ADCK1: variants seen among roughly 807,000 people sequenced by gnomAD.
The protein encoded by ADCK1 is aarF domain-containing protein kinase 1.
In ADCK1, 41 loss-of-function variants were observed where a neutral mutation model predicts 52.3. That is an observed-to-expected ratio of 0.78 (90% CI 0.61 to 1.02). The LOEUF (loss-of-function observed/expected upper bound fraction) is 1.02. Ranked by LOEUF, ADCK1 falls within the 50% of genes least tolerant of loss-of-function variation. The pLI is 0.00. For synonymous variants in ADCK1, 250 were observed against 274.6 expected, an observed-to-expected ratio of 0.91 and a Z score of 0.89; for missense variants, 658 against 679.5, an observed-to-expected ratio of 0.97 and a Z score of 0.35.
intron 6 of ADCK1, among the ~76,000 whole-genome samples, chr14:77,900,397 G>A (rs991229353): frequency 3.3e-5 from 5 of 152,064 alleles, no homozygotes; most frequent in African/African-American, 1.2e-4. Flanking sequence ...GACCAGCCTG[G>A]CCAACATGGT....
intron 5 of ADCK1, among the ~76,000 whole-genome samples, chr14:77,897,181 G>A (rs1385248440): frequency 6.6e-6 from 1 of 152,214 alleles, no homozygotes; most frequent in East Asian, 1.9e-4. Flanking sequence ...GTTAGAGATG[G>A]TTGTTCTCAG....
chr14:77,889,625 C>T (rs552841377), intron 5 of ADCK1, among the ~76,000 whole-genome samples: 5 of 152,172 alleles, frequency 3.3e-5, no homozygotes, highest in Non-Finnish European at 7.3e-5. Context: ...CAAAACCTAG[C>T]TGGCAGCAAG....
chr14:77,810,721 C>T (rs898492421), intron 1 of ADCK1, among the ~76,000 whole-genome samples: 2 of 151,818 alleles, frequency 1.3e-5, no homozygotes, highest in Admixed American at 1.3e-4. Flanking sequence ...TTAGTAGAGA[C>T]GGGGTTTCAC....
rs561273446 is a variant in ADCK1, at chr14:77,904,910, G to T, written c.742-2893G>T. On this transcript the variant is annotated intron_variant, in intron 6 of 10. Transcript: ENST00000238561. ...CTTTTTCATTTTTTCCTTCTTTGAT[G>T]GAAGAAGCATAGGACAGGAAATGTG... Among the ~76,000 whole-genome samples, 13 of 152,248 alleles carry T rather than the reference G, an allele frequency of 8.5e-5. No homozygotes were observed. The South Asian group carries it at 2.1e-3, about 24-fold the overall frequency.
rs1187156753 is a variant in ADCK1, at chr14:77,925,924, A to G, written c.1169A>G (p.Asn390Ser). The G allele has an allele frequency of 1.9e-6, 3 of 1,614,086 alleles. No homozygotes were observed. The African/African-American group carries it at 4.0e-5, about 22-fold the overall frequency. Residue 390 changes from asparagine (N) to serine (S), a missense_variant, in exon 9 of 11, where the codon AAC becomes AGC. Transcript: ENST00000238561. ...MLTARSWDSV[N>S]RGISQAPVTA... Reference sequence around the variant, plus strand: ...ACGGCGCGATCGTGGGACTCGGTCAACAGAGGCATCAGCCAAGCTCCCGTC... The same window carrying G: ...ACGGCGCGATCGTGGGACTCGGTCAGCAGAGGCATCAGCCAAGCTCCCGTC...
At chr14:77,871,186 T>C (rs746013691) in intron 4 of ADCK1, among the ~76,000 whole-genome samples, 1 of 152,098 alleles carries the variant, frequency 6.6e-6, no homozygotes, top group African/African-American at 2.4e-5. Flanking sequence ...AGTGGGGATG[T>C]GGTTCAGGAA....
rs140186522 is a variant in ADCK1, at chr14:77,909,378, G to C, written c.858+1459G>C. Among the ~76,000 whole-genome samples, 545 of 152,124 alleles carry C rather than the reference G, an allele frequency of 3.6e-3. 6 individuals are homozygous for C. The highest frequency in any genetic ancestry group is 0.012 in the African/African-American group (491 of 41,492). ...TTGAACTCCTGACCTCGGGTGATCC[G>C]CCTGCCTCGATCTCCCAAAGTGCTG... On this transcript the variant is annotated intron_variant, in intron 7 of 10. Coordinates refer to ENST00000238561, the MANE Select transcript of ADCK1 (RefSeq NM_020421.4).
chr14:77,844,281 C>T lies in ADCK1; in HGVS notation c.220-14795C>T, dbSNP rs2082131844. Among the ~76,000 whole-genome samples the T allele has an allele frequency of 2.0e-5, 3 of 152,212 alleles. No homozygotes were observed. The South Asian group carries it at 6.2e-4, about 32-fold the overall frequency. ...GTATATTACTAGAGACAGGGTTTCA[C>T]CATGTTGGCCAGGATGATCTTGATC... On this transcript the variant is annotated intron_variant, in intron 3 of 10. Transcript: ENST00000238561.
rs1417040050 is a variant in ADCK1, at chr14:77,815,894, C to T, written c.-11-3074C>T. Among the ~76,000 whole-genome samples, 6 of 149,160 alleles carry T rather than the reference C, an allele frequency of 4.0e-5. No homozygotes were observed. The South Asian group carries it at 6.4e-4, about 16-fold the overall frequency. On this transcript the variant is annotated intron_variant, in intron 1 of 10. Transcript: ENST00000238561. ...GCAGTGGTGCGATCTCAGCTCACTG[C>T]GACCTCCACCTCCTGGGTTCAAGTG...
intron 4 of ADCK1, among the ~76,000 whole-genome samples, chr14:77,864,587 C>T (rs2082622536): frequency 6.6e-6 from 1 of 151,896 alleles, no homozygotes; most frequent in Non-Finnish European, 1.5e-5. Context: ...GGATTTCATT[C>T]CTGTGTAACT....
chr14:77,817,767 GCT>G (rs2081489227), intron 1 of ADCK1, among the ~76,000 whole-genome samples: 1 of 149,944 alleles, frequency 6.7e-6, no homozygotes, highest in Admixed American at 6.7e-5. Flanking sequence ...ACGGAGTCTC[GCT>G]CTGTCACCCA....
chr14:77,908,021 C>CTATTAAAGACAAGGGGGCCAGA, intron 7 of ADCK1, 102 bp downstream of exon 7: 1 of 924,278 alleles, frequency 1.1e-6, no homozygotes, highest in Non-Finnish European at 1.7e-6. Flanking sequence ...GAGTCTGGCC[C>CTATTAAAGACAAGGGGGCCAGA]CCTTGTCTTT....
chr14:77,870,762 T>C (rs1034898813), intron 4 of ADCK1, among the ~76,000 whole-genome samples: 3 of 152,190 alleles, frequency 2.0e-5, no homozygotes, highest in Non-Finnish European at 4.4e-5. Flanking sequence ...GCCCTGGCAG[T>C]TGGCCCCATG....
chr14:77,923,077 G>C lies in ADCK1; in HGVS notation c.859-1380G>C, dbSNP rs1401299596. On this transcript the variant is annotated intron_variant, in intron 7 of 10. Transcript: ENST00000238561. The surrounding 1 kb of genome is among the most constrained non-coding windows in gnomAD (Gnocchi z 4.3). ...CTCAACAAAGCTGTTTAATAAAGCA[G>C]AGCGAGTCCCTCCTATCTTGGGAGT... Among the ~76,000 whole-genome samples the C allele has an allele frequency of 1.3e-5, 2 of 152,214 alleles. No homozygotes were observed. The highest frequency in any genetic ancestry group is 4.8e-5 in the African/African-American group (2 of 41,448).
At chr14:77,895,943 A>G (rs2083400632) in intron 5 of ADCK1, among the ~76,000 whole-genome samples, 1 of 152,174 alleles carries the variant, frequency 6.6e-6, no homozygotes, top group South Asian at 2.1e-4. Flanking sequence ...CTATTCAAAG[A>G]ACCCCCTTCA....
intron 3 of ADCK1, among the ~76,000 whole-genome samples, chr14:77,848,001 C>T (rs116972574): frequency 0.049 from 7,475 of 152,212 alleles, 198 homozygotes; most frequent in South Asian, 0.065. Context: ...TGTGAGGAAC[C>T]GGGGAGGGCA....
At chr14:77,882,143 G>C (rs1397050293) in intron 4 of ADCK1, among the ~76,000 whole-genome samples, 1 of 152,172 alleles carries the variant, frequency 6.6e-6, no homozygotes, top group Non-Finnish European at 1.5e-5. Context: ...CCTTAGGCTG[G>C]GGGTGGGAAA....
chr14:77,856,983 C>T lies in ADCK1; in HGVS notation c.220-2093C>T, dbSNP rs558164397. Among the ~76,000 whole-genome samples, 772 of 150,392 alleles carry T rather than the reference C, an allele frequency of 5.1e-3. 4 individuals are homozygous for T. The highest frequency in any genetic ancestry group is 0.018 in the African/African-American group (731 of 40,860). On this transcript the variant is annotated intron_variant, in intron 3 of 10. Coordinates refer to ENST00000238561, the MANE Select transcript of ADCK1 (RefSeq NM_020421.4). ...CACCACTGCACTCCAGCCTGGGTGT[C>T]TCCAAAAAAAAAAAAGTCTAGCAAA...
In ADCK1 at chr14:77,934,638, G is replaced by A. The variant is rs2084412465; in HGVS notation, c.*1247G>A. On this transcript the variant is annotated 3_prime_UTR_variant, in exon 11 of 11. Coordinates refer to ENST00000238561, the MANE Select transcript of ADCK1 (RefSeq NM_020421.4). Reference sequence around the variant, plus strand: ...GCTTCTGTTTCTTGGACATCCCTAAGCTCCTGCTCTAATTCCCATGTCTTT... The same window carrying A: ...GCTTCTGTTTCTTGGACATCCCTAAACTCCTGCTCTAATTCCCATGTCTTT... 1 of 152,208 alleles carries A rather than the reference G, an allele frequency of 6.6e-6. No individual in the cohort carries two copies. The highest frequency in any genetic ancestry group is 1.5e-5 in the Non-Finnish European group (1 of 68,106). 9.4% of individuals were successfully genotyped at this position (152,208 alleles called of 1,614,324 possible). A position where few individuals can be genotyped will look rare whatever the true frequency, so the allele number is the denominator to read the frequency against.
Sources: gnomAD v4.1 joint callset for allele counts (sites outside exome capture counted in the v4.1 genomes callset) on GRCh38, gnomAD v4.1.1 for gene constraint, Gnocchi (gnomAD v3.1) non-coding constraint, MANE v1.5 for transcripts, NCBI Gene and HGNC (gene_info 2026-07-23, HGNC 2026-07-21) for gene names.